GLUD1: variants seen among roughly 807,000 people sequenced by gnomAD.
GLUD1 encodes the protein glutamate dehydrogenase 1, mitochondrial.
A neutral mutation model predicts 56.0 loss-of-function variants in GLUD1; 22 were observed. The ratio of observed to expected loss-of-function variants is 0.39; its 90% CI spans 0.28 to 0.56. The LOEUF is 0.56. GLUD1 is among the 20% of genes least tolerant of loss of function. The pLI, the probability that GLUD1 is intolerant of heterozygous loss-of-function variation, is 0.58. For synonymous variants in GLUD1, 223 were observed against 269.9 expected (o/e 0.83, Z 1.70); for missense variants, 451 against 732.0 (o/e 0.62, Z 4.43).
At position 87,053,333 on chromosome 10, in the gene GLUD1, C is replaced by CA. The variant is rs1457695317; in HGVS notation, c.1557+8dup. ...CTAGCTGGAAGGCAAACAGCATCTG[C>CA]ACACATACCCTGGCAGAACGCTCCA... On this transcript the variant is annotated intron_variant, in intron 12 of 12. Transcript: ENST00000277865. 6.3e-7 allele frequency: 1 copy of CA among 1,597,618 alleles called. No individual in the cohort carries two copies.
chr10:87,080,063 G>C (rs1026221879), intron 1 of GLUD1, among the ~76,000 whole-genome samples: 9 of 151,820 alleles, frequency 5.9e-5, no homozygotes, highest in South Asian at 2.1e-4. Flanking sequence ...TCAGCCTGCC[G>C]AGTGCCTGCG....
In GLUD1 at chr10:87,050,420, A is replaced by G. The variant is rs1446581350; in HGVS notation, c.*1331T>C. ...TCGCTATAAACATTTCAGAAATCCAATTGCAGTATTATAACTTATGAAAAG... is the reference window on the plus strand; with the variant it reads ...TCGCTATAAACATTTCAGAAATCCAGTTGCAGTATTATAACTTATGAAAAG... On this transcript the variant is annotated 3_prime_UTR_variant, in exon 13 of 13. Coordinates refer to ENST00000277865, the MANE Select transcript of GLUD1 (RefSeq NM_005271.5). 2 of 152,148 alleles carry G rather than the reference A, an allele frequency of 1.3e-5. No homozygotes were observed. The highest frequency in any genetic ancestry group is 2.9e-5 in the Non-Finnish European group (2 of 68,042). 9.4% of individuals were successfully genotyped at this position (152,148 alleles called of 1,614,324 possible).
chr10:87,055,224 G>A (rs977105766), intron 11 of GLUD1, among the ~76,000 whole-genome samples: 5 of 152,112 alleles, frequency 3.3e-5, no homozygotes, highest in Non-Finnish European at 5.9e-5. Context: ...CAGGGCTTAG[G>A]TGTTAACAAA....
At chr10:87,093,022 G>A (rs1237547967) in intron 1 of GLUD1, among the ~76,000 whole-genome samples, 1 of 152,218 alleles carries the variant, frequency 6.6e-6, no homozygotes, top group African/African-American at 2.4e-5. Flanking sequence ...TTTGGCTGAG[G>A]CAACCAGAGC....
At chr10:87,072,887 T>C (rs567340533) in intron 4 of GLUD1, among the ~76,000 whole-genome samples, 5 of 152,196 alleles carry the variant, frequency 3.3e-5, no homozygotes, top group African/African-American at 9.6e-5. Context: ...TCAGAATCAG[T>C]AGGCACTCCT....
intron 12 of GLUD1, among the ~76,000 whole-genome samples, chr10:87,052,159 T>A (rs1845649077): frequency 1.3e-5 from 2 of 151,724 alleles, no homozygotes; most frequent in African/African-American, 4.8e-5. Flanking sequence ...AGACCGGACT[T>A]GCCAACATGG....
intron 1 of GLUD1, among the ~76,000 whole-genome samples, chr10:87,087,625 T>C (rs1262451285): frequency 6.6e-6 from 1 of 152,204 alleles, no homozygotes; most frequent in Non-Finnish European, 1.5e-5. Flanking sequence ...AGACCAAATA[T>C]ATTTACTGTC....
chr10:87,060,669 G>GT lies in GLUD1; in HGVS notation c.1197+18dup, dbSNP rs1317709276. On this transcript the variant is annotated intron_variant, in intron 8 of 12. Coordinates refer to ENST00000277865, the MANE Select transcript of GLUD1 (RefSeq NM_005271.5). ...ATTCACATTGATAATGTTGGTTCTG[G>GT]TTTCTATAATGTTGTCACCTTGGCT... is the stretch of plus-strand genomic sequence containing the variant. 6.2e-7 allele frequency: 1 copy of GT among 1,613,984 alleles called. No individual in the cohort carries two copies. Among genetic ancestry groups the GT allele is most frequent in the Admixed American group, 1.7e-5 (1 of 59,994 alleles).
rs1165088593 is a variant in GLUD1 at position 87,059,195 on chromosome 10, G to A, written c.1357C>T (p.Arg453Cys). ...LKNLNHVSYG[R>C]LTFKYERDSN... Reference sequence around the variant, plus strand: ...TCCCTTTCATATTTGAAGGTCAAACGGCCATAGCTGACATGATTTAGATTC... The same window carrying A: ...TCCCTTTCATATTTGAAGGTCAAACAGCCATAGCTGACATGATTTAGATTC... The change falls in exon 10 of 13, where the codon CGT becomes TGT. Residue 453 changes from arginine (R) to cysteine (C), a missense_variant. By Grantham distance (180) the Arg-to-Cys change is radical (BLOSUM62 -3). This residue lies in a region of GLUD1 where 248 missense variants were observed against 460.0 expected (regional missense o/e 0.54). Transcript: ENST00000277865. 6.2e-7 allele frequency: 1 copy of A among 1,613,718 alleles called. No individual in the cohort carries two copies. The highest frequency in any genetic ancestry group is 1.1e-5 in the South Asian group (1 of 91,062).
In GLUD1 at chr10:87,076,077, T is replaced by G. The variant is rs778172451; in HGVS notation, c.527-54A>C. ...CCATATAAATGTTAAAAAAGTAAAA[T>G]GACAGAAAGCACCACACAATATTAG... On this transcript the variant is annotated intron_variant, in intron 2 of 12. Coordinates refer to ENST00000277865, the MANE Select transcript of GLUD1 (RefSeq NM_005271.5). 2.4e-4 allele frequency: 298 copies of G among 1,247,922 alleles called. 2 individuals carry two copies. The highest frequency in any genetic ancestry group is 3.4e-4 in the Non-Finnish European group (290 of 858,882). The allele number at this position is 1,247,922 out of a possible 1,614,324, so 77.3% of individuals were successfully genotyped here.
intron 1 of GLUD1, among the ~76,000 whole-genome samples, chr10:87,086,832 GAAAAAAAA>G (rs367807316): frequency 1.3e-4 from 9 of 70,420 alleles, no homozygotes; most frequent in African/African-American, 2.8e-4. Context: ...CCGTCTCAAA[GAAAAAAAA>G]AAAAAAAAAA....
At chr10:87,064,492 G>A (rs1404075691) in intron 5 of GLUD1, among the ~76,000 whole-genome samples, 1 of 152,162 alleles carries the variant, frequency 6.6e-6, no homozygotes, top group East Asian at 1.9e-4. Flanking sequence ...GAAGCAATTT[G>A]CTTTCCATGT....
At chr10:87,082,020 T>G (rs1163798500) in intron 1 of GLUD1, among the ~76,000 whole-genome samples, 1 of 151,820 alleles carries the variant, frequency 6.6e-6, no homozygotes, top group Non-Finnish European at 1.5e-5. Context: ...TTTCCATTGC[T>G]CTTTTAGAGC....
chr10:87,052,478 C>A (rs1845660450), intron 12 of GLUD1, among the ~76,000 whole-genome samples: 1 of 151,734 alleles, frequency 6.6e-6, no homozygotes, highest in East Asian at 1.9e-4. Flanking sequence ...CAGAGCGAAA[C>A]TCCATCTCAA....
At chr10:87,088,476 T>C (rs1841438536) in intron 1 of GLUD1, among the ~76,000 whole-genome samples, 1 of 152,188 alleles carries the variant, frequency 6.6e-6, no homozygotes, top group Non-Finnish European at 1.5e-5. Flanking sequence ...CCTTATTTGG[T>C]AAACCTTCAA....
At chr10:87,054,744 T>A (rs900118602) in intron 11 of GLUD1, among the ~76,000 whole-genome samples, 3 of 152,090 alleles carry the variant, frequency 2.0e-5, no homozygotes, top group Non-Finnish European at 4.4e-5. Context: ...AAAACAGCAT[T>A]TGGTAAGCTG....
intron 5 of GLUD1, among the ~76,000 whole-genome samples, chr10:87,064,923 A>G (rs901870577): frequency 9.2e-5 from 14 of 152,268 alleles, no homozygotes; most frequent in African/African-American, 3.1e-4. Flanking sequence ...ACATTCTCCC[A>G]CCTACACTGC....
intron 10 of GLUD1, 75 bp from the exon 11 acceptor site, chr10:87,057,857 C>A: frequency 1.2e-6 from 1 of 811,140 alleles, no homozygotes; most frequent in Non-Finnish European, 2.1e-6. Context: ...AAAGTAGTCC[C>A]AAACTATAAC....
rs1239511051 is a variant in GLUD1 at position 87,084,942 on chromosome 10, A to G, written c.446-8286T>C. 2.0e-5 allele frequency among the ~76,000 whole-genome samples: 3 copies of G among 152,202 alleles called. No individual in the cohort carries two copies. In the South Asian group the frequency reaches 6.2e-4, roughly 31 times the overall value. ...GAGAGGAAGGTTAGAAGCAGGGAGGAACTCTCAATGACCACCCACAAGTAA... is the reference window on the plus strand; with the variant it reads ...GAGAGGAAGGTTAGAAGCAGGGAGGGACTCTCAATGACCACCCACAAGTAA... On this transcript the variant is annotated intron_variant, in intron 1 of 12. Transcript: ENST00000277865.
Sources: gnomAD v4.1 joint callset for allele counts (sites outside exome capture counted in the v4.1 genomes callset) on GRCh38, gnomAD v4.1.1 for gene constraint, gnomAD v4.1.1 regional missense constraint, MANE v1.5 for transcripts, NCBI Gene and HGNC (gene_info 2026-07-23, HGNC 2026-07-21) for gene names.